Variants in MTUS2 observed in about 807,000 individuals in gnomAD.
The protein encoded by MTUS2 is microtubule associated scaffold protein 2.
MTUS2 carries 40 observed loss-of-function variants against 114.1 expected under a neutral mutation model. The observed-to-expected ratio is 0.35, with a 90% CI of 0.27 to 0.46. MTUS2 has a LOEUF of 0.46. MTUS2 is among the 20% of genes least tolerant of loss of function. MTUS2 has a pLI of 1.00. For synonymous variants in MTUS2, 688 were observed against 672.0 expected (o/e 1.02, Z -0.37); for missense variants, 1,679 against 1,705.4 (o/e 0.98, Z 0.27).
intron 2 of MTUS2, among the ~76,000 whole-genome samples, chr13:28,873,768 G>T (rs1052818947): frequency 1.3e-5 from 2 of 152,158 alleles, no homozygotes; most frequent in Non-Finnish European, 1.5e-5. Flanking sequence ...ATTAATAATT[G>T]AAGAAGCCAG....
chr13:29,139,133 T>C (rs1432287289), intron 5 of MTUS2, among the ~76,000 whole-genome samples: 9 of 152,192 alleles, frequency 5.9e-5, no homozygotes, highest in East Asian at 1.9e-4. Context: ...CAGGCACTTA[T>C]GCATGTAAGC....
At chr13:28,991,026 G>T (rs79009262) in intron 2 of MTUS2, among the ~76,000 whole-genome samples, 2 of 150,838 alleles carry the variant, frequency 1.3e-5, no homozygotes, top group Non-Finnish European at 2.9e-5. Context: ...AATAAATTCC[G>T]GACACAAGAG....
intron 8 of MTUS2, among the ~76,000 whole-genome samples, chr13:29,407,449 T>TAAATA (rs1223924711): frequency 9.1e-6 from 1 of 110,028 alleles, no homozygotes; most frequent in Non-Finnish European, 1.7e-5. Context: ...TGATTGTACT[T>TAAATA]ATTTATTTAT....
chr13:28,868,571 T>G (rs1240128339), intron 2 of MTUS2, among the ~76,000 whole-genome samples: 2 of 152,188 alleles, frequency 1.3e-5, no homozygotes, highest in African/African-American at 4.8e-5. Context: ...GAATGCATCC[T>G]TAGATTTTTG....
chr13:29,191,096 G>T (rs968221135), intron 5 of MTUS2, among the ~76,000 whole-genome samples: 2 of 152,032 alleles, frequency 1.3e-5, no homozygotes, highest in African/African-American at 4.8e-5. Flanking sequence ...AGATATACTT[G>T]TCCGTCTTAT....
chr13:29,127,790 C>A (rs986829893), intron 5 of MTUS2, among the ~76,000 whole-genome samples: 1 of 152,260 alleles, frequency 6.6e-6, no homozygotes, highest in African/African-American at 2.4e-5. Context: ...AGCCACATTT[C>A]TCCATGTGCT....
chr13:29,107,578 A>G (rs553683925), intron 5 of MTUS2, among the ~76,000 whole-genome samples: 2 of 152,234 alleles, frequency 1.3e-5, no homozygotes, highest in Non-Finnish European at 2.9e-5. Flanking sequence ...GATAATTTAC[A>G]TAAGCCAAAG....
chr13:29,358,117 C>G lies in MTUS2; in HGVS notation c.2906-1145C>G, dbSNP rs556429066. Among the ~76,000 whole-genome samples the G allele has an allele frequency of 7.9e-5, 12 of 152,246 alleles. No homozygotes were observed. The East Asian group carries it at 2.3e-3, about 29-fold the overall frequency. ...CTGGTCAGTGTCTGTGTCATGTCCT[C>G]TAGGAGTGTAATCTACTAGAGTGAA... On this transcript the variant is annotated intron_variant, in intron 7 of 15. Coordinates refer to ENST00000612955, the MANE Select transcript of MTUS2 (RefSeq NM_001033602.4).
intron 5 of MTUS2, among the ~76,000 whole-genome samples, chr13:29,146,383 T>A (rs1892434979): frequency 6.6e-6 from 1 of 152,232 alleles, no homozygotes; most frequent in Non-Finnish European, 1.5e-5. Context: ...GAGAAGTAAA[T>A]ATTTGAGAAG....
Position 29,083,870 on chromosome 13 carries a change from C to T in MTUS2, c.2447-16903C>T, listed in dbSNP as rs376570678. ...GTATTGATCATTAGGCCAGAGTGTC[C>T]ATGCTCACTATGGGATATTTTAGGA... On this transcript the variant is annotated intron_variant, in intron 4 of 15. Coordinates refer to ENST00000612955, the MANE Select transcript of MTUS2 (RefSeq NM_001033602.4). Among the ~76,000 whole-genome samples, 5 of 152,160 alleles carry T rather than the reference C, an allele frequency of 3.3e-5. No individual in the cohort carries two copies. In the South Asian group the frequency reaches 8.3e-4, roughly 25 times the overall value.
At chr13:29,245,694 A>ATTTTTTT (rs34670074) in intron 5 of MTUS2, among the ~76,000 whole-genome samples, 2 of 125,582 alleles carry the variant, frequency 1.6e-5, no homozygotes, top group Non-Finnish European at 3.3e-5. Flanking sequence ...ATCTATTTTA[A>ATTTTTTT]TTTTTTTTTT....
Position 29,025,797 on chromosome 13 carries a change from G to A in MTUS2, c.1099G>A (p.Asp367Asn), listed in dbSNP as rs763197571. ...TDALGHLLNSDLHHLGVGRGN... is the reference protein window; with the variant it reads ...TDALGHLLNSNLHHLGVGRGN... ...TGCACTTGGCCATCTGCTGAACAGT[G>A]ACCTCCACCACCTTGGGGTGGGAAG... The change falls in exon 3 of 16, where the codon GAC becomes AAC. Residue 367 changes from aspartate to asparagine, a missense_variant. By Grantham distance (23) the Asp-to-Asn change is conservative (BLOSUM62 1). Around this residue, in one of 3 missense-constraint regions of MTUS2, gnomAD observed 843 missense variants for 770.8 expected, o/e 1.09. Coordinates refer to ENST00000612955, the MANE Select transcript of MTUS2 (RefSeq NM_001033602.4). 9 of 1,613,984 alleles carry A rather than the reference G, an allele frequency of 5.6e-6. No individual in the cohort carries two copies. In the East Asian group the frequency reaches 2.0e-4, roughly 36 times the overall value.
chr13:28,915,694 A>G (rs1880706652), intron 2 of MTUS2, among the ~76,000 whole-genome samples: 1 of 151,956 alleles, frequency 6.6e-6, no homozygotes, highest in African/African-American at 2.4e-5. Flanking sequence ...TATTCTGGTT[A>G]TTAATCCCTT....
At chr13:29,449,519 C>T (rs1878536488) in intron 9 of MTUS2, among the ~76,000 whole-genome samples, 1 of 152,126 alleles carries the variant, frequency 6.6e-6, no homozygotes, top group Non-Finnish European at 1.5e-5. Context: ...GTATTGGTAT[C>T]CATATTTTAT....
intron 5 of MTUS2, among the ~76,000 whole-genome samples, chr13:29,259,610 A>C (rs1437664941): frequency 6.6e-6 from 1 of 152,242 alleles, no homozygotes; most frequent in Middle Eastern, 3.2e-3. Context: ...AATAGTTGGA[A>C]TACTATTTGC....
intron 5 of MTUS2, among the ~76,000 whole-genome samples, chr13:29,181,419 C>T (rs931619650): frequency 1.6e-4 from 25 of 152,202 alleles, no homozygotes; most frequent in African/African-American, 6.0e-4. Context: ...TGCCCATTGT[C>T]ACACTGGACA....
chr13:29,160,595 C>G (rs1294945014), intron 5 of MTUS2, among the ~76,000 whole-genome samples: 1 of 152,060 alleles, frequency 6.6e-6, no homozygotes, highest in South Asian at 2.1e-4. Flanking sequence ...ATGGCAAAAC[C>G]CTGTCTTTAC....
chr13:28,849,399 G>T (rs903063136), intron 2 of MTUS2, among the ~76,000 whole-genome samples: 1 of 152,210 alleles, frequency 6.6e-6, no homozygotes, highest in African/African-American at 2.4e-5. Context: ...CAAAAACACA[G>T]CAGAAGTTCA....
chr13:28,847,098 C>T (rs965311969), intron 2 of MTUS2, among the ~76,000 whole-genome samples: 2 of 152,130 alleles, frequency 1.3e-5, no homozygotes, highest in East Asian at 1.9e-4. Flanking sequence ...TTCATGTCCT[C>T]GTCAGGTTCC....
Sources: gnomAD v4.1 joint callset for allele counts (sites outside exome capture counted in the v4.1 genomes callset) on GRCh38, gnomAD v4.1.1 for gene constraint, gnomAD v4.1.1 regional missense constraint, MANE v1.5 for transcripts, NCBI Gene and HGNC (gene_info 2026-07-23, HGNC 2026-07-21) for gene names.